COP1: variants seen among roughly 807,000 people sequenced by gnomAD.
COP1 encodes the protein E3 ubiquitin-protein ligase COP1.
A neutral mutation model predicts 101.3 loss-of-function variants in COP1; 24 were observed. The observed-to-expected ratio is 0.24, with a 90% CI of 0.17 to 0.33. The LOEUF (loss-of-function observed/expected upper bound fraction) is 0.33. Ranked by LOEUF, COP1 falls within the 10% of genes least tolerant of loss-of-function variation. The pLI is 1.00. For missense variants in COP1, 663 were observed against 906.2 expected, an observed-to-expected ratio of 0.73 and a Z score of 3.45; for synonymous variants, 347 against 341.9, an observed-to-expected ratio of 1.01 and a Z score of -0.17.
chr1:176,016,732 CT>C (rs79018789), intron 15 of COP1, among the ~76,000 whole-genome samples: 85 of 150,830 alleles, frequency 5.6e-4, no homozygotes, highest in African/African-American at 1.6e-3. Context: ...ATGAATGACT[CT>C]TTTTTTAAAA....
At chr1:175,973,617 G>A (rs1401508839) in intron 18 of COP1, among the ~76,000 whole-genome samples, 1 of 152,160 alleles carries the variant, frequency 6.6e-6, no homozygotes, top group East Asian at 1.9e-4. Context: ...TGGTTGCCTT[G>A]TAAAGCAGGA....
chr1:176,118,330 A>C (rs372694045), intron 8 of COP1, among the ~76,000 whole-genome samples: 73 of 152,238 alleles, frequency 4.8e-4, no homozygotes, highest in African/African-American at 1.7e-3. Flanking sequence ...AATCATATGA[A>C]TCTGTCTACA....
Position 176,185,005 on chromosome 1 carries a change from CTT to C in COP1, c.408-315_408-314del, listed in dbSNP as rs376341551. Among the ~76,000 whole-genome samples, 397 of 152,168 alleles carry C rather than the reference CTT, an allele frequency of 2.6e-3. 3 individuals are homozygous for C. Among genetic ancestry groups the C allele is most frequent in the African/African-American group, 9.1e-3 (379 of 41,522 alleles). On this transcript the variant is annotated intron_variant, in intron 1 of 19. Coordinates refer to ENST00000367669, the MANE Select transcript of COP1 (RefSeq NM_022457.7). ...GTAGTACAATGCAGTCACCAGAGCC[CTT>C]TTAAGAAAGCTCTACCATCGTTTTC... is the stretch of plus-strand genomic sequence containing the variant.
At chr1:176,184,721 T>G in intron 1 of COP1, 29 bp from the exon 2 acceptor site, 1 of 1,551,208 alleles carries the variant, frequency 6.4e-7, no homozygotes, top group Non-Finnish European at 8.8e-7. Flanking sequence ...TAATTGATTT[T>G]TTTTTAAAAG....
intron 5 of COP1, among the ~76,000 whole-genome samples, chr1:176,155,303 C>T (rs923374557): frequency 2.0e-5 from 3 of 151,948 alleles, no homozygotes; most frequent in Non-Finnish European, 4.4e-5. Flanking sequence ...AGTCTCTCAT[C>T]CTTGCTCCTA....
intron 6 of COP1, among the ~76,000 whole-genome samples, chr1:176,139,534 T>G (rs1690344502): frequency 6.6e-6 from 1 of 152,160 alleles, no homozygotes; most frequent in Non-Finnish European, 1.5e-5. Flanking sequence ...CATAGCTCTA[T>G]TCATCACAGC....
chr1:176,027,106 G>A (rs1667797403), intron 15 of COP1, among the ~76,000 whole-genome samples: 1 of 152,084 alleles, frequency 6.6e-6, no homozygotes, highest in Non-Finnish European at 1.5e-5. Flanking sequence ...TACTATGTTA[G>A]CATGAACTCC....
Position 176,057,885 on chromosome 1 carries a change from G to A in COP1, c.1278-11561C>T, listed in dbSNP as rs568519367. On this transcript the variant is annotated intron_variant, in intron 11 of 19. Coordinates refer to ENST00000367669, the MANE Select transcript of COP1 (RefSeq NM_022457.7). ...TCCCCGCCGCCATCCCATCTAGGAA[G>A]TGAGGAGCGTCTCTGCCCGGCCGCC... 5.9e-5 allele frequency among the ~76,000 whole-genome samples: 9 copies of A among 152,076 alleles called. No individual in the cohort carries two copies. In the South Asian group the frequency reaches 1.0e-3, roughly 18 times the overall value.
At chr1:176,184,793 C>G (rs1461536461) in intron 1 of COP1, 101 bp from the exon 2 acceptor site, 5 of 771,116 alleles carry the variant, frequency 6.5e-6, no homozygotes, top group Non-Finnish European at 1.1e-5. Flanking sequence ...TTTCAATATA[C>G]AGTTTAGAGC....
chr1:176,149,376 C>T (rs966865309), intron 5 of COP1, among the ~76,000 whole-genome samples: 46 of 152,022 alleles, frequency 3.0e-4, no homozygotes, highest in African/African-American at 1.1e-3. Flanking sequence ...CTTCTCTTCC[C>T]CAACTCAACT....
At position 176,040,321 on chromosome 1, in the gene COP1, C is replaced by CTCTA. The variant is rs367914554; in HGVS notation, c.1612+2864_1612+2865insTAGA. Among the ~76,000 whole-genome samples the CTCTA allele has an allele frequency of 2.6e-3, 392 of 151,858 alleles. 4 individuals are homozygous for CTCTA. The highest frequency in any genetic ancestry group is 9.0e-3 in the African/African-American group (374 of 41,428). ...CTGTACCACCCCCTTTTCCCTCCTT[C>CTCTA]TCTTTCTTTTCTGAGATGGGGTCTT... On this transcript the variant is annotated intron_variant, in intron 14 of 19. Coordinates refer to ENST00000367669, the MANE Select transcript of COP1 (RefSeq NM_022457.7).
intron 18 of COP1, among the ~76,000 whole-genome samples, chr1:175,967,767 G>A (rs1465720626): frequency 2.6e-5 from 4 of 152,158 alleles, no homozygotes; most frequent in African/African-American, 7.2e-5. Flanking sequence ...AAATCTTCAC[G>A]GAAGCTATCT....
At chr1:176,096,984 G>A (rs1214449708) in intron 9 of COP1, among the ~76,000 whole-genome samples, 2 of 152,066 alleles carry the variant, frequency 1.3e-5, no homozygotes, top group Non-Finnish European at 2.9e-5. Flanking sequence ...TGATACCTGT[G>A]CAACCTTTGC....
intron 18 of COP1, among the ~76,000 whole-genome samples, chr1:175,955,700 A>AGAAT (rs1248569981): frequency 6.6e-6 from 1 of 151,766 alleles, no homozygotes; most frequent in Non-Finnish European, 1.5e-5. Context: ...AATAAATGAT[A>AGAAT]AGCAAATAGA....
chr1:176,195,842 C>T (rs1193241825), intron 1 of COP1, among the ~76,000 whole-genome samples: 1 of 152,172 alleles, frequency 6.6e-6, no homozygotes, highest in Non-Finnish European at 1.5e-5. Context: ...ACTGGGTACA[C>T]ACAGACACAA....
intron 1 of COP1, among the ~76,000 whole-genome samples, chr1:176,204,753 G>A (rs570502499): frequency 2.6e-5 from 4 of 152,114 alleles, no homozygotes; most frequent in South Asian, 4.2e-4. Flanking sequence ...GTGAAACCCC[G>A]TCTCCATTAA....
chr1:176,057,101 C>A (rs1279437506), intron 11 of COP1, among the ~76,000 whole-genome samples: 2 of 152,098 alleles, frequency 1.3e-5, no homozygotes, highest in Non-Finnish European at 2.9e-5. Context: ...GACAAACTAC[C>A]CCTGCGTTTC....
At chr1:175,992,281 T>C (rs182283667) in intron 15 of COP1, among the ~76,000 whole-genome samples, 177 of 152,264 alleles carry the variant, frequency 1.2e-3, no homozygotes, top group African/African-American at 2.7e-3. Context: ...GATGGCCAAA[T>C]AGGAACAGCT....
At chr1:176,108,850 A>G (rs1684790435) in intron 9 of COP1, among the ~76,000 whole-genome samples, 1 of 152,176 alleles carries the variant, frequency 6.6e-6, no homozygotes, top group South Asian at 2.1e-4. Context: ...GCGGTGGCTC[A>G]TGCCTCTAAT....
Sources: allele counts gnomAD v4.1 joint callset (sites outside exome capture counted in the v4.1 genomes callset), GRCh38; gene constraint gnomAD v4.1.1; transcripts MANE v1.5; gene names NCBI Gene and HGNC (gene_info 2026-07-23, HGNC 2026-07-21).